Variants in ASIC2 observed in about 807,000 individuals in gnomAD.
ASIC2 encodes acid-sensing ion channel 2.
Under a neutral mutation model 57.3 loss-of-function variants are expected in ASIC2, and 25 were observed. The ratio of observed to expected loss-of-function variants is 0.44; its 90% confidence interval spans 0.32 to 0.61. ASIC2 has a LOEUF of 0.61. Ranked by LOEUF, ASIC2 falls within the 20% of genes least tolerant of loss-of-function variation. The probability of loss-of-function intolerance (pLI) is 0.06; values close to 1 mark genes in which losing one functional copy is unlikely to be tolerated. For synonymous variants in ASIC2, 319 were observed against 307.5 expected, an observed-to-expected ratio of 1.04 and a Z score of -0.39; for missense variants, 641 against 738.1, an observed-to-expected ratio of 0.87 and a Z score of 1.52.
intron 1 of ASIC2, among the ~76,000 whole-genome samples, chr17:33,607,620 C>T (rs753957420): frequency 2.6e-5 from 4 of 152,182 alleles, no homozygotes; most frequent in Admixed American, 6.5e-5. Context: ...TACATCTCCC[C>T]GATGAGGGAA....
At chr17:33,672,559 G>A (rs1271106993) in intron 1 of ASIC2, among the ~76,000 whole-genome samples, 1 of 152,126 alleles carries the variant, frequency 6.6e-6, no homozygotes, top group African/African-American at 2.4e-5. Context: ...GCTAAAGATG[G>A]GCATGGTCGG....
In ASIC2 at chr17:33,773,107, T is replaced by C. The variant is rs150996131; in HGVS notation, c.555+382871A>G. Among the ~76,000 whole-genome samples the C allele has an allele frequency of 1.3e-4, 20 of 152,356 alleles. No individual in the cohort carries two copies. In the East Asian group the frequency reaches 2.5e-3, roughly 19 times the overall value. ...AATGGTTCAAACTCCTGACACATTA[T>C]ACCAGATGATGCTTTTTGTTGAATA... On this transcript the variant is annotated intron_variant, in intron 1 of 9. Coordinates refer to the ASIC2 transcript ENST00000359872.
At chr17:33,923,177 T>C (rs539331038) in intron 1 of ASIC2, among the ~76,000 whole-genome samples, 2 of 152,086 alleles carry the variant, frequency 1.3e-5, no homozygotes, top group African/African-American at 2.4e-5. Flanking sequence ...AGATGGAAAA[T>C]GGGTGATGCC....
chr17:33,733,552 A>C (rs573103328), intron 1 of ASIC2, among the ~76,000 whole-genome samples: 24 of 152,010 alleles, frequency 1.6e-4, no homozygotes, highest in African/African-American at 5.8e-4. Flanking sequence ...TGAGTTTCTT[A>C]CCTCCCTGGC....
At chr17:34,136,343 T>C (rs1912125918) in intron 1 of ASIC2, among the ~76,000 whole-genome samples, 1 of 152,240 alleles carries the variant, frequency 6.6e-6, no homozygotes, top group African/African-American at 2.4e-5. Context: ...CCCTTCCACA[T>C]ATCTTCTTGA....
intron 1 of ASIC2, among the ~76,000 whole-genome samples, chr17:33,207,240 T>G (rs1028375874): frequency 6.6e-6 from 1 of 152,260 alleles, no homozygotes. Flanking sequence ...ATCCTAGCGC[T>G]TTCTCATTCT....
chr17:33,177,983 C>T (rs558209086), intron 1 of ASIC2, among the ~76,000 whole-genome samples: 23 of 152,218 alleles, frequency 1.5e-4, no homozygotes, highest in Middle Eastern at 3.4e-3. Context: ...ACCTAGTGTG[C>T]GTGCACATAC....
chr17:33,089,869 G>A (rs943835270), intron 2 of ASIC2, among the ~76,000 whole-genome samples: 6 of 152,204 alleles, frequency 3.9e-5, no homozygotes, highest in Non-Finnish European at 5.9e-5. Flanking sequence ...GGTTGGGGGC[G>A]GTACAGAGCC....
chr17:33,207,388 T>C (rs1415902060), intron 1 of ASIC2, among the ~76,000 whole-genome samples: 2 of 152,228 alleles, frequency 1.3e-5, no homozygotes, highest in Non-Finnish European at 2.9e-5. Flanking sequence ...CTAAAGTCTA[T>C]ACCCACAATT....
chr17:33,764,315 T>TA (rs575208109), intron 1 of ASIC2, among the ~76,000 whole-genome samples: 11,229 of 110,884 alleles, frequency 0.1, 1,217 homozygotes, highest in African/African-American at 0.3. Flanking sequence ...AGACTCTGTC[T>TA]AAAAAAAAAA....
intron 1 of ASIC2, among the ~76,000 whole-genome samples, chr17:33,397,600 A>G (rs1482245884): frequency 6.6e-6 from 1 of 152,172 alleles, no homozygotes; most frequent in African/African-American, 2.4e-5. Flanking sequence ...TCCTCTAAAG[A>G]ACATTGGATC....
intron 1 of ASIC2, among the ~76,000 whole-genome samples, chr17:33,638,764 T>G (rs1219219787): frequency 6.6e-6 from 1 of 152,058 alleles, no homozygotes; most frequent in East Asian, 1.9e-4. Flanking sequence ...TTTTTTTTCC[T>G]GGCAGCCCAA....
At chr17:33,802,511 C>T (rs915077190) in intron 1 of ASIC2, among the ~76,000 whole-genome samples, 5 of 152,228 alleles carry the variant, frequency 3.3e-5, no homozygotes, top group Admixed American at 6.5e-5. Flanking sequence ...TCCCTGCCCA[C>T]GTGGAAGGTG....
chr17:33,979,120 A>G (rs1905506661), intron 1 of ASIC2, among the ~76,000 whole-genome samples: 1 of 152,038 alleles, frequency 6.6e-6, no homozygotes, highest in African/African-American at 2.4e-5. Context: ...ACCAGGAGAG[A>G]GGAGGGTGGG....
intron 1 of ASIC2, among the ~76,000 whole-genome samples, chr17:34,074,142 A>G (rs1269022473): frequency 6.6e-6 from 1 of 152,092 alleles, no homozygotes; most frequent in East Asian, 1.9e-4. Context: ...ACCCAGACCT[A>G]CTGATCAGAA....
intron 1 of ASIC2, among the ~76,000 whole-genome samples, chr17:33,194,458 T>TATG (rs1001303815): frequency 1.2e-4 from 18 of 152,118 alleles, no homozygotes; most frequent in African/African-American, 4.1e-4. Flanking sequence ...ACTAAGCCGA[T>TATG]ATGATGATGA....
chr17:33,703,040 T>C (rs1024731906), intron 1 of ASIC2, among the ~76,000 whole-genome samples: 2 of 152,056 alleles, frequency 1.3e-5, no homozygotes, highest in African/African-American at 4.8e-5. Context: ...GCCACTGGGA[T>C]GGTTACTTTA....
At chr17:33,060,114 C>A (rs1366674833) in intron 3 of ASIC2, among the ~76,000 whole-genome samples, 4 of 152,092 alleles carry the variant, frequency 2.6e-5, no homozygotes, top group Non-Finnish European at 4.4e-5. Context: ...TGTAGGTTGC[C>A]TGTTCACTCT....
At chr17:33,788,456 GA>G (rs1383370211) in intron 1 of ASIC2, among the ~76,000 whole-genome samples, 1 of 152,154 alleles carries the variant, frequency 6.6e-6, no homozygotes, top group East Asian at 1.9e-4. Flanking sequence ...CTGTTGGTGG[GA>G]ATGTAAATTA....
Sources: gnomAD v4.1 joint callset for allele counts (sites outside exome capture counted in the v4.1 genomes callset) on GRCh38, gnomAD v4.1.1 for gene constraint, MANE v1.5 for transcripts, NCBI Gene and HGNC (gene_info 2026-07-23, HGNC 2026-07-21) for gene names.